ANO10: variants seen among roughly 807,000 people sequenced by gnomAD.
ANO10 encodes the protein anoctamin 10.
A neutral mutation model predicts 74.7 loss-of-function variants in ANO10; 77 were observed. That is an observed-to-expected ratio of 1.03 (90% CI 0.86 to 1.25). The LOEUF (loss-of-function observed/expected upper bound fraction) is 1.25. ANO10 is among the 50% of genes most tolerant of loss of function. The probability of loss-of-function intolerance (pLI) is 0.00; values close to 1 mark genes in which losing one functional copy is unlikely to be tolerated. For missense variants in ANO10, 721 were observed against 778.1 expected (o/e 0.93, Z 0.87); for synonymous variants, 279 against 284.9 (o/e 0.98, Z 0.21).
intron 12 of ANO10, among the ~76,000 whole-genome samples, chr3:43,395,532 T>C (rs1241097344): frequency 6.6e-6 from 1 of 152,242 alleles, no homozygotes; most frequent in Admixed American, 6.5e-5. Context: ...GAACCGTTTA[T>C]TGAAAAGACT....
intron 11 of ANO10, among the ~76,000 whole-genome samples, chr3:43,515,612 A>G (rs1291389769): frequency 5.3e-5 from 8 of 152,200 alleles, no homozygotes; most frequent in Non-Finnish European, 5.9e-5. Context: ...ACTTCTAGCC[A>G]GATTGATGAG....
chr3:43,457,788 A>G (rs2075199747), intron 11 of ANO10, among the ~76,000 whole-genome samples: 1 of 152,210 alleles, frequency 6.6e-6, no homozygotes, highest in Admixed American at 6.5e-5. Flanking sequence ...GGAGGAGATC[A>G]GTACCAGGTG....
At chr3:43,417,033 C>T (rs2092749484) in intron 12 of ANO10, among the ~76,000 whole-genome samples, 1 of 152,172 alleles carries the variant, frequency 6.6e-6, no homozygotes, top group South Asian at 2.1e-4. Flanking sequence ...CTGTGCTAGG[C>T]ACCTTCACAT....
chr3:43,556,590 C>T (rs546800769), intron 9 of ANO10, among the ~76,000 whole-genome samples: 4 of 152,212 alleles, frequency 2.6e-5, no homozygotes, highest in African/African-American at 9.6e-5. Flanking sequence ...CATAATCCAA[C>T]AGCAAGAAGG....
Position 43,366,900 on chromosome 3 carries a change from G to A in ANO10, c.*6C>T. On this transcript the variant is annotated 3_prime_UTR_variant, in exon 13 of 13. Transcript: ENST00000292246. ...TGCCAACAGGGCAGCTGGGCACGCT[G>A]GGCACTCAGGTTGCCTTCTCCTTCC... The A allele has an allele frequency of 6.3e-7, 1 of 1,583,876 alleles. No individual in the cohort carries two copies. Among genetic ancestry groups the A allele is most frequent in the Non-Finnish European group, 8.6e-7 (1 of 1,164,738 alleles).
intron 1 of ANO10, among the ~76,000 whole-genome samples, chr3:43,685,843 G>T (rs1163577607): frequency 6.6e-6 from 1 of 151,836 alleles, no homozygotes; most frequent in African/African-American, 2.4e-5. Flanking sequence ...TTAAAGCCTT[G>T]GTTTCTTAAC....
chr3:43,539,325 C>A (rs1160950577), intron 11 of ANO10, among the ~76,000 whole-genome samples: 4 of 152,046 alleles, frequency 2.6e-5, no homozygotes, highest in Non-Finnish European at 5.9e-5. Flanking sequence ...CTTTCTAAAG[C>A]AACACTTGCT....
Position 43,681,469 on chromosome 3 carries a change from C to G in ANO10, c.-12+10048G>C, listed in dbSNP as rs572149317. ...CTACAAAGAGACTTAGACTCCCACA[C>G]AATAATAATGGGAGACTTTTACACC... On this transcript the variant is annotated intron_variant, in intron 1 of 3. Coordinates refer to the ANO10 transcript ENST00000413397. 3.3e-3 allele frequency among the ~76,000 whole-genome samples: 377 copies of G among 113,106 alleles called. 2 individuals are homozygous for G. Among genetic ancestry groups the G allele is most frequent in the Non-Finnish European group, 6.0e-3 (328 of 54,570 alleles). 74.2% of individuals were successfully genotyped at this position (113,106 alleles called of 152,430 possible). A position where few individuals can be genotyped will look rare whatever the true frequency, so the allele number is the denominator to read the frequency against.
chr3:43,563,863 A>AGAG (rs1383414685), intron 8 of ANO10, among the ~76,000 whole-genome samples: 1 of 152,036 alleles, frequency 6.6e-6, no homozygotes, highest in Non-Finnish European at 1.5e-5. Context: ...TGTGTTGGGG[A>AGAG]GAGGAGGATA....
Position 43,496,891 on chromosome 3 carries a change from G to A in ANO10, c.1797+52829C>T, listed in dbSNP as rs149743194. On this transcript the variant is annotated intron_variant, in intron 11 of 12. Coordinates refer to ENST00000292246, the MANE Select transcript of ANO10 (RefSeq NM_018075.5). Reference sequence around the variant, plus strand: ...CCTTCCTGGTTCCTCAAGATGTACAGTGATGTAAGCTCCTTCCTGTTCCTG... The same window carrying A: ...CCTTCCTGGTTCCTCAAGATGTACAATGATGTAAGCTCCTTCCTGTTCCTG... 3.5e-3 allele frequency among the ~76,000 whole-genome samples: 537 copies of A among 152,176 alleles called. 1 individual carries two copies. Among genetic ancestry groups the A allele is most frequent in the Non-Finnish European group, 5.7e-3 (388 of 68,010 alleles).
rs1489523322 is a variant in ANO10 at position 43,486,603 on chromosome 3, C to A, written c.1798-53876G>T. ...GGGAGTTCACTCCTGATTTGGCTCTCTGTCTGTTGTTGGTGTATAAGAATG... is the reference window on the plus strand; with the variant it reads ...GGGAGTTCACTCCTGATTTGGCTCTATGTCTGTTGTTGGTGTATAAGAATG... On this transcript the variant is annotated intron_variant, in intron 11 of 12. Coordinates refer to ENST00000292246, the MANE Select transcript of ANO10 (RefSeq NM_018075.5). 2.1e-5 allele frequency among the ~76,000 whole-genome samples: 3 copies of A among 141,926 alleles called. No individual in the cohort carries two copies. The East Asian group carries it at 6.4e-4, about 30-fold the overall frequency. The allele number at this position is 141,926 out of a possible 152,430, so 93.1% of individuals were successfully genotyped here.
intron 4 of ANO10, 58 bp from the exon 5 acceptor site, chr3:43,580,530 G>A (rs1047536742): frequency 1.0e-5 from 16 of 1,601,994 alleles, no homozygotes; most frequent in African/African-American, 6.7e-5. Flanking sequence ...TGCATGATAC[G>A]CTTCAGCAAA....
chr3:43,475,413 A>G (rs946490216), intron 11 of ANO10, among the ~76,000 whole-genome samples: 2 of 152,036 alleles, frequency 1.3e-5, no homozygotes, highest in African/African-American at 4.8e-5. Context: ...TATGGTTTTA[A>G]TTTGTTATAT....
At chr3:43,563,334 C>T (rs1187234780) in intron 8 of ANO10, among the ~76,000 whole-genome samples, 2 of 150,730 alleles carry the variant, frequency 1.3e-5, no homozygotes, top group East Asian at 1.9e-4. Flanking sequence ...CTGACAAGAA[C>T]GTGCAACAAA....
chr3:43,478,287 T>C (rs2076149262), intron 11 of ANO10, among the ~76,000 whole-genome samples: 1 of 152,214 alleles, frequency 6.6e-6, no homozygotes, highest in Non-Finnish European at 1.5e-5. Context: ...ATGATAATTC[T>C]GAAATCAGCA....
intron 1 of ANO10, among the ~76,000 whole-genome samples, chr3:43,655,253 G>A (rs962727856): frequency 4.6e-5 from 7 of 152,200 alleles, no homozygotes; most frequent in South Asian, 4.2e-4. Context: ...GGACCCTCGC[G>A]GTGAGTGTTA....
chr3:43,637,183 A>G (rs2083620425), intron 1 of ANO10, among the ~76,000 whole-genome samples: 1 of 151,166 alleles, frequency 6.6e-6, no homozygotes, highest in Non-Finnish European at 1.5e-5. Flanking sequence ...AAAACAAACA[A>G]AAAGCTGGGT....
intron 12 of ANO10, among the ~76,000 whole-genome samples, chr3:43,400,140 T>C (rs1039930748): frequency 6.6e-6 from 1 of 152,132 alleles, no homozygotes; most frequent in Non-Finnish European, 1.5e-5. Flanking sequence ...TGGCACTCTT[T>C]TATTTTCCAA....
At chr3:43,681,721 C>A (rs911561607) in intron 1 of ANO10, among the ~76,000 whole-genome samples, 2 of 152,174 alleles carry the variant, frequency 1.3e-5, no homozygotes, top group South Asian at 2.1e-4. Flanking sequence ...GAAATTATAA[C>A]AAACTGTCTC....
Sources: allele counts gnomAD v4.1 joint callset (sites outside exome capture counted in the v4.1 genomes callset), GRCh38; gene constraint gnomAD v4.1.1; transcripts MANE v1.5; gene names NCBI Gene and HGNC (gene_info 2026-07-23, HGNC 2026-07-21).